MAPK9: variants seen among roughly 807,000 people sequenced by gnomAD.
MAPK9 encodes the protein Jun kinase.
Under a neutral mutation model 57.1 loss-of-function variants are expected in MAPK9, and 30 were observed. That is an observed-to-expected ratio of 0.53 (90% CI 0.39 to 0.71). The LOEUF (loss-of-function observed/expected upper bound fraction) is 0.71, where lower values mean the gene tolerates loss of function less well. Ranked by LOEUF, MAPK9 falls within the 30% of genes least tolerant of loss-of-function variation. The pLI is 0.00. For missense variants in MAPK9, 362 were observed against 521.0 expected (o/e 0.69, Z 2.97); for synonymous variants, 155 against 177.0 (o/e 0.88, Z 0.99).
chr5:180,289,183 C>G (rs1444392204), intron 1 of MAPK9, among the ~76,000 whole-genome samples: 1 of 152,156 alleles, frequency 6.6e-6, no homozygotes, highest in Admixed American at 6.6e-5. Context: ...TCGCTATTAA[C>G]TGGTTTGTCT....
chr5:180,280,313 A>G (rs1762209858), intron 2 of MAPK9, 127 bp downstream of exon 2: 1 of 1,265,258 alleles, frequency 7.9e-7, no homozygotes, highest in Non-Finnish European at 1.1e-6. Context: ...AGTTGATTCA[A>G]TTTAGCTCAT....
intron 5 of MAPK9, among the ~76,000 whole-genome samples, chr5:180,261,468 C>T (rs956796738): frequency 1.3e-5 from 2 of 152,236 alleles, no homozygotes; most frequent in African/African-American, 4.8e-5. Flanking sequence ...ACTGAGAGCG[C>T]AGTACCTGGC....
chr5:180,255,185 G>C (rs1247400183), intron 5 of MAPK9, among the ~76,000 whole-genome samples: 1 of 152,082 alleles, frequency 6.6e-6, no homozygotes, highest in Non-Finnish European at 1.5e-5. Context: ...ATGTGAGAGG[G>C]CAGAATAAAG....
chr5:180,271,992 T>C (rs1180934024), intron 2 of MAPK9, among the ~76,000 whole-genome samples: 3 of 152,234 alleles, frequency 2.0e-5, no homozygotes, highest in Admixed American at 6.5e-5. Flanking sequence ...GCTTCTCACA[T>C]TATCTGTTGT....
chr5:180,244,345 G>A (rs970930168), intron 7 of MAPK9, among the ~76,000 whole-genome samples: 2 of 152,060 alleles, frequency 1.3e-5, no homozygotes, highest in Admixed American at 6.6e-5. Context: ...CAACATCATC[G>A]ACATTTTGCA....
At chr5:180,278,421 GC>G (rs1269005803) in intron 2 of MAPK9, among the ~76,000 whole-genome samples, 1 of 152,258 alleles carries the variant, frequency 6.6e-6, no homozygotes, top group Admixed American at 6.5e-5. Flanking sequence ...CTACCTGTAG[GC>G]CGGGCGCAGT....
In MAPK9 at chr5:180,280,578, A is replaced by G. The variant is rs1762237586; in HGVS notation, c.-17T>C. 4.3e-6 allele frequency: 7 copies of G among 1,611,132 alleles called. No homozygotes were observed. The African/African-American group carries it at 5.3e-5, about 12-fold the overall frequency. Reference sequence around the variant, plus strand: ...GTCGCTCATGATGCAGCGTCCTGCAATATCCCGAAGGGTGGGCAAGTTTCA... The same window carrying G: ...GTCGCTCATGATGCAGCGTCCTGCAGTATCCCGAAGGGTGGGCAAGTTTCA... On this transcript the variant is annotated 5_prime_UTR_variant, in exon 2 of 12. Transcript: ENST00000452135.
intron 8 of MAPK9, among the ~76,000 whole-genome samples, chr5:180,241,520 C>T (rs1273307532): frequency 6.6e-6 from 1 of 152,112 alleles, no homozygotes; most frequent in Non-Finnish European, 1.5e-5. Flanking sequence ...AGGATGGTCT[C>T]GATCTCTTGA....
intron 5 of MAPK9, among the ~76,000 whole-genome samples, chr5:180,258,767 C>A (rs1179084340): frequency 2.0e-5 from 3 of 151,084 alleles, no homozygotes; most frequent in South Asian, 2.1e-4. Flanking sequence ...TGGCTCACAC[C>A]TGTAATCCCA....
At chr5:180,265,920 T>C (rs192663469) in intron 3 of MAPK9, among the ~76,000 whole-genome samples, 6 of 151,990 alleles carry the variant, frequency 3.9e-5, no homozygotes, top group Non-Finnish European at 8.8e-5. Flanking sequence ...CCTCAGAATA[T>C]AGATAAACAT....
chr5:180,246,868 T>C (rs1380985321), intron 7 of MAPK9: 1 of 152,344 alleles, frequency 6.6e-6, no homozygotes, highest in Non-Finnish European at 1.5e-5. Flanking sequence ...TTCTACAAAA[T>C]GTCAGCACAG....
intron 7 of MAPK9, chr5:180,246,172 G>A (rs573283509): frequency 6.6e-6 from 1 of 152,262 alleles, no homozygotes; most frequent in African/African-American, 2.4e-5. Context: ...TGAACATTAA[G>A]TAGATATTTC....
chr5:180,270,703 T>G (rs902636905), intron 2 of MAPK9, among the ~76,000 whole-genome samples: 4 of 151,614 alleles, frequency 2.6e-5, no homozygotes, highest in Non-Finnish European at 5.9e-5. Context: ...ATACAAAGAT[T>G]AGCTGAGTGT....
At chr5:180,237,662 G>A (rs1757279204) in intron 11 of MAPK9, 1 of 152,264 alleles carries the variant, frequency 6.6e-6, no homozygotes, top group Non-Finnish European at 1.5e-5. Flanking sequence ...GGTGACAGCA[G>A]TTATTGCAAA....
intron 5 of MAPK9, among the ~76,000 whole-genome samples, chr5:180,251,732 A>AGTGACACCTGGATCGGGGC (rs1554122530): frequency 5.3e-5 from 8 of 151,764 alleles, no homozygotes; most frequent in Non-Finnish European, 1.2e-4. Flanking sequence ...TACAGATCCA[A>AGTGACACCTGGATCGGGGC]GTGACGCCTG....
chr5:180,242,531 T>C, intron 8 of MAPK9, 42 bp downstream of exon 8: 2 of 1,544,316 alleles, frequency 1.3e-6, no homozygotes, highest in South Asian at 2.4e-5. Flanking sequence ...AAGCACCACC[T>C]GAATTACAAA....
rs1757084749 is a variant in MAPK9, at chr5:180,235,066, T to A, written c.*1318A>T. The A allele has an allele frequency of 6.6e-6, 1 of 152,246 alleles. No individual in the cohort carries two copies. Among genetic ancestry groups the A allele is most frequent in the South Asian group, 2.1e-4 (1 of 4,834 alleles). The allele number at this position is 152,246 out of a possible 1,614,324, so 9.4% of individuals were successfully genotyped here. On this transcript the variant is annotated 3_prime_UTR_variant, in exon 12 of 12. Transcript: ENST00000452135. ...GCAGTGACACTTAACATACTCAGCA[T>A]CTTCATGAATTCTGAATAATTTACT... is the stretch of plus-strand genomic sequence containing the variant.
chr5:180,287,043 G>C (rs1269899744), intron 1 of MAPK9: 1 of 152,198 alleles, frequency 6.6e-6, no homozygotes, highest in Non-Finnish European at 1.5e-5. Context: ...GTCACATCCT[G>C]TATAACTCCA....
In MAPK9 at chr5:180,264,824, T is replaced by C. The variant is rs777431876; in HGVS notation, c.268A>G (p.Asn90Asp). Reference protein sequence around the residue: ...VNHKNIISLLNVFTPQKTLEE... With the variant: ...VNHKNIISLLDVFTPQKTLEE... ...AGAGTTTTTTGTGGTGTAAACACAT[T>C]TAACAAACTAATTATCTGAAAAGAG... The change falls in exon 4 of 12, where the codon AAT becomes GAT. Residue 90 changes from asparagine to aspartate, a missense_variant. Physicochemically the swap from Asn to Asp is conservative, Grantham distance 23. Coordinates refer to ENST00000452135, the MANE Select transcript of MAPK9 (RefSeq NM_002752.5). The C allele has an allele frequency of 6.4e-6, 10 of 1,551,894 alleles. 1 individual carries two copies. The South Asian group carries it at 1.2e-4, about 19-fold the overall frequency.
Sources: gnomAD v4.1 joint callset for allele counts (sites outside exome capture counted in the v4.1 genomes callset) on GRCh38, gnomAD v4.1.1 for gene constraint, MANE v1.5 for transcripts, NCBI Gene and HGNC (gene_info 2026-07-23, HGNC 2026-07-21) for gene names.